CFAP91: variants seen among roughly 807,000 people sequenced by gnomAD.
The protein encoded by CFAP91 is cilia and flagella associated protein 91.
Under a neutral mutation model 95.9 loss-of-function variants are expected in CFAP91, and 85 were observed. The observed-to-expected ratio is 0.89, with a 90% CI of 0.74 to 1.06. CFAP91 has a LOEUF of 1.06. Among genes scored for constraint, CFAP91 ranks in the 50% least tolerant of loss-of-function variants. CFAP91 has a pLI of 0.00. For missense variants in CFAP91, 962 were observed against 943.4 expected, an observed-to-expected ratio of 1.02 and a Z score of -0.26; for synonymous variants, 335 against 327.5, an observed-to-expected ratio of 1.02 and a Z score of -0.25.
At chr3:119,718,104 A>G (rs2053614202) in intron 6 of CFAP91, among the ~76,000 whole-genome samples, 1 of 152,232 alleles carries the variant, frequency 6.6e-6, no homozygotes, top group South Asian at 2.1e-4. Flanking sequence ...CAAAGCACAC[A>G]AGGAACAGAG....
At chr3:119,705,461 C>T (rs2053341195) in intron 1 of CFAP91, among the ~76,000 whole-genome samples, 1 of 152,162 alleles carries the variant, frequency 6.6e-6, no homozygotes. Flanking sequence ...CTTTGCTATT[C>T]TTCAGACGTA....
chr3:119,733,780 C>T lies in CFAP91; in HGVS notation c.1344+274C>T, dbSNP rs540865876. 2.6e-5 allele frequency among the ~76,000 whole-genome samples: 4 copies of T among 152,168 alleles called. No individual in the cohort carries two copies. The South Asian group carries it at 8.3e-4, about 32-fold the overall frequency. ...ACTTGGATCTCTATATAAAATTTGA[C>T]GCTATACTAAGGTGTAGCAAGTTTC... On this transcript the variant is annotated intron_variant, in intron 10 of 17. Transcript: ENST00000273390.
Position 119,726,296 on chromosome 3 carries a change from A to G in CFAP91, c.808A>G (p.Met270Val), listed in dbSNP as rs1194058620. The G allele has an allele frequency of 6.2e-7, 1 of 1,613,804 alleles. No homozygotes were observed. The highest frequency in any genetic ancestry group is 1.3e-5 in the African/African-American group (1 of 74,924). The change falls in exon 7 of 18, where the codon ATG becomes GTG. Residue 270 changes from methionine (M) to valine (V), a missense_variant. Coordinates refer to ENST00000273390, the MANE Select transcript of CFAP91 (RefSeq NM_033364.4). ...CCAGTTTGAGAAGAGGAGGAAAATG[A>G]TGAATGAAATGGAGAGGAAGGAGTG... ...TSQFEKRRKMMNEMERKEWAF... is the reference protein window; with the variant it reads ...TSQFEKRRKMVNEMERKEWAF...
At chr3:119,711,550 G>T (rs1323077145) in intron 5 of CFAP91, among the ~76,000 whole-genome samples, 2 of 152,212 alleles carry the variant, frequency 1.3e-5, no homozygotes, top group Non-Finnish European at 2.9e-5. Flanking sequence ...AAGGGATAAA[G>T]ATTCCATCCA....
At position 119,707,415 on chromosome 3, in the gene CFAP91, C is replaced by T; in HGVS notation, c.213C>T (p.Pro71=). Residue 71 remains proline, a synonymous_variant, in exon 3 of 18, where the codon CCC becomes CCT. Transcript: ENST00000273390. ...TLIRSRLRKV[P]RFKTMFSNLI... is the part of the protein sequence containing the mutation. ...TTCTCTAACATTAGAGAAAAGTTCC[C>T]AGGTTTAAAACCATGTTCAGTAACC... 6.5e-7 allele frequency: 1 copy of T among 1,544,928 alleles called. No homozygotes were observed. Among genetic ancestry groups the T allele is most frequent in the South Asian group, 1.2e-5 (1 of 80,856 alleles).
chr3:119,732,517 T>C (rs2053922744), intron 9 of CFAP91, 41 bp downstream of exon 9: 1 of 1,309,028 alleles, frequency 7.6e-7, no homozygotes, highest in Non-Finnish European at 1.1e-6. Context: ...ATAAGAAGGT[T>C]GTCTCAGAAA....
chr3:119,732,468 C>G lies in CFAP91; in HGVS notation c.1193C>G (p.Thr398Ser), dbSNP rs1162122917. ...GTAGTAAAAAACTACTATCTCAACA[C>G]CTATGAAGGTAAGCAATTTACATAA... is the stretch of plus-strand genomic sequence containing the variant. Reference protein sequence around the residue: ...DFVVKNYYLNTYEGLVELESC... With the variant: ...DFVVKNYYLNSYEGLVELESC... The change falls in exon 9 of 18, where the codon ACC becomes AGC. Residue 398 changes from threonine (T) to serine (S), a missense_variant. Transcript: ENST00000273390. 1.3e-6 allele frequency: 2 copies of G among 1,582,936 alleles called. No homozygotes were observed. The highest frequency in any genetic ancestry group is 2.4e-5 in the South Asian group (2 of 83,564).
intron 11 of CFAP91, among the ~76,000 whole-genome samples, chr3:119,737,924 A>C (rs1018057879): frequency 3.3e-5 from 5 of 152,342 alleles, no homozygotes; most frequent in African/African-American, 1.2e-4. Flanking sequence ...CCAGGGCCAC[A>C]TCTCACCAGA....
In CFAP91 at chr3:119,707,388, C is replaced by T; in HGVS notation, c.202-16C>T. The T allele has an allele frequency of 6.6e-7, 1 of 1,513,108 alleles. No individual in the cohort carries two copies. Among genetic ancestry groups the T allele is most frequent in the Non-Finnish European group, 8.9e-7 (1 of 1,118,438 alleles). The allele number at this position is 1,513,108 out of a possible 1,614,324, so 93.7% of individuals were successfully genotyped here. A position where few individuals can be genotyped will look rare whatever the true frequency, so the allele number is the denominator to read the frequency against. The stretch of plus-strand genomic sequence containing the variant: ...ATGGTATAATTTTGTCCTTTGCCTC[C>T]CTTCTCTAACATTAGAGAAAAGTTC... On this transcript the variant is annotated splice_polypyrimidine_tract_variant and intron_variant, in intron 2 of 17. Transcript: ENST00000273390.
intron 1 of CFAP91, among the ~76,000 whole-genome samples, chr3:119,704,371 C>T (rs1462564325): frequency 1.3e-5 from 2 of 152,252 alleles, no homozygotes; most frequent in Non-Finnish European, 1.5e-5. Context: ...ACAATCTCGC[C>T]GCTAGTCATG....
At position 119,747,892 on chromosome 3, in the gene CFAP91, C is replaced by A; in HGVS notation, c.2133C>A (p.Val711=). 1.2e-6 allele frequency: 2 copies of A among 1,610,436 alleles called. No individual in the cohort carries two copies. The highest frequency in any genetic ancestry group is 1.1e-5 in the South Asian group (1 of 90,614). Residue 711 remains valine (V), a synonymous_variant, in exon 16 of 18, where the codon GTC becomes GTA. Transcript: ENST00000273390. ...FLIPEVQKYF[V]KEKVRNAQRK... Reference sequence around the variant, plus strand: ...TCCCAGAGGTGCAAAAATACTTTGTCAAAGAAAAAGGTAAGCCAATGTAAA... The same window carrying A: ...TCCCAGAGGTGCAAAAATACTTTGTAAAAGAAAAAGGTAAGCCAATGTAAA...
chr3:119,757,441 C>T (rs755040679), intron 17 of CFAP91, among the ~76,000 whole-genome samples: 4 of 152,076 alleles, frequency 2.6e-5, no homozygotes, highest in Middle Eastern at 3.4e-3. Context: ...CTCAGGAGTT[C>T]GCAACCAGCC....
intron 17 of CFAP91, 89 bp downstream of exon 17, chr3:119,751,187 T>C: frequency 1.4e-6 from 2 of 1,391,464 alleles, no homozygotes; most frequent in Non-Finnish European, 1.9e-6. Context: ...ACAATCATAA[T>C]GTGAAGATTG....
At chr3:119,750,658 C>T in intron 16 of CFAP91, 1 of 446,894 alleles carries the variant, frequency 2.2e-6, no homozygotes, top group Non-Finnish European at 4.1e-6. Context: ...TCAGAGGAGA[C>T]TTCCTGGAGG....
chr3:119,764,014 GT>G (rs1559774395), intron 17 of CFAP91, among the ~76,000 whole-genome samples: 2 of 152,066 alleles, frequency 1.3e-5, no homozygotes, highest in Non-Finnish European at 2.9e-5. Flanking sequence ...ATATGAAGTA[GT>G]GCATATGTTA....
intron 5 of CFAP91, among the ~76,000 whole-genome samples, chr3:119,711,923 A>G (rs2053479689): frequency 6.6e-6 from 1 of 152,238 alleles, no homozygotes. Context: ...TGGGGCTGGG[A>G]GAGAAAATCT....
In CFAP91 at chr3:119,744,030, T is replaced by C. The variant is rs2054172657; in HGVS notation, c.1736T>C (p.Met579Thr). 4.3e-6 allele frequency: 7 copies of C among 1,613,998 alleles called. No individual in the cohort carries two copies. Among genetic ancestry groups the C allele is most frequent in the African/African-American group, 2.7e-5 (2 of 74,932 alleles). The change falls in exon 14 of 18, where the codon ATG (methionine) becomes ACG (threonine). Residue 579 changes from methionine (M) to threonine (T), a missense_variant. Physicochemically the swap from Met to Thr is moderately conservative, Grantham distance 81. Coordinates refer to ENST00000273390, the MANE Select transcript of CFAP91 (RefSeq NM_033364.4). ...CTGGAAGGAAGGGCACTAGCAGACATGTTTGACTTCCTGTCCAAAGAGCTG... is the reference window on the plus strand; with the variant it reads ...CTGGAAGGAAGGGCACTAGCAGACACGTTTGACTTCCTGTCCAAAGAGCTG... ...AGLEGRALAD[M>T]FDFLSKELVR...
Position 119,730,247 on chromosome 3 carries a change from A to C in CFAP91, c.888A>C (p.Leu296=), listed in dbSNP as rs759052987. The C allele has an allele frequency of 6.2e-7, 1 of 1,614,002 alleles. No homozygotes were observed. The highest frequency in any genetic ancestry group is 1.1e-5 in the South Asian group (1 of 91,050). The stretch of plus-strand genomic sequence containing the variant: ...TGCAGGAGATTCGCCTGGAAGTTCT[A>C]AAAGAGCTGTTGAGGAAGCGTGAAG... ...EKLQEIRLEV[L]KELLRKREEN... The change falls in exon 8 of 18, where the codon CTA becomes CTC. Residue 296 remains leucine (L), a synonymous_variant. Coordinates refer to ENST00000273390, the MANE Select transcript of CFAP91 (RefSeq NM_033364.4).
At chr3:119,724,099 C>T (rs1374817170) in intron 6 of CFAP91, among the ~76,000 whole-genome samples, 1 of 146,904 alleles carries the variant, frequency 6.8e-6, no homozygotes, top group African/African-American at 2.6e-5. Flanking sequence ...ACCTGGGAGG[C>T]AGAGGTTGCA....
Sources: allele counts gnomAD v4.1 joint callset (sites outside exome capture counted in the v4.1 genomes callset), GRCh38; gene constraint gnomAD v4.1.1; transcripts MANE v1.5; gene names NCBI Gene and HGNC (gene_info 2026-07-23, HGNC 2026-07-21).